IQCM: variants seen among roughly 807,000 people sequenced by gnomAD.
IQCM encodes IQ motif containing M, also known as IQ domain-containing protein M.
IQCM carries 45 observed loss-of-function variants against 57.6 expected under a neutral mutation model. That is an observed-to-expected ratio of 0.78 (90% confidence interval 0.62 to 1.00). IQCM has a LOEUF of 1.00. IQCM is among the 50% of genes least tolerant of loss of function. IQCM has a pLI of 0.00. For synonymous variants in IQCM, 148 were observed against 158.9 expected (o/e 0.93, Z 0.51); for missense variants, 468 against 511.6 (o/e 0.91, Z 0.82).
intron 3 of IQCM, among the ~76,000 whole-genome samples, chr4:149,742,176 C>T (rs375849913): frequency 7.9e-5 from 12 of 151,932 alleles, no homozygotes; most frequent in African/African-American, 2.9e-4. Flanking sequence ...GTTCTATCTT[C>T]GAAACTCTAT....
At chr4:149,692,201 G>C (rs1449572272) in intron 5 of IQCM, among the ~76,000 whole-genome samples, 2 of 152,180 alleles carry the variant, frequency 1.3e-5, no homozygotes, top group Non-Finnish European at 2.9e-5. Flanking sequence ...CCAAATGGTG[G>C]AGCTATAAGG....
intron 2 of IQCM, among the ~76,000 whole-genome samples, chr4:149,779,872 A>G (rs1561266780): frequency 6.6e-6 from 1 of 152,144 alleles, no homozygotes; most frequent in Non-Finnish European, 1.5e-5. Context: ...TCCTTATACT[A>G]CGCTGTTTGT....
At chr4:149,408,566 TAAC>T (rs1351691298) in intron 13 of IQCM, among the ~76,000 whole-genome samples, 4 of 152,300 alleles carry the variant, frequency 2.6e-5, no homozygotes, top group African/African-American at 9.6e-5. Flanking sequence ...TCTGGTACTA[TAAC>T]AACAGGAGGT....
intron 9 of IQCM, among the ~76,000 whole-genome samples, chr4:149,564,356 T>C (rs1384502945): frequency 1.3e-5 from 2 of 152,202 alleles, no homozygotes; most frequent in Non-Finnish European, 2.9e-5. Context: ...GGTGGTAGGA[T>C]CATGGCCTAT....
intron 9 of IQCM, among the ~76,000 whole-genome samples, chr4:149,585,507 C>T (rs188679041): frequency 9.9e-5 from 15 of 151,686 alleles, no homozygotes; most frequent in Admixed American, 5.3e-4. Context: ...TAAAATCTCA[C>T]ATATATACAT....
intron 7 of IQCM, among the ~76,000 whole-genome samples, chr4:149,638,008 C>T (rs1304873422): frequency 2.0e-5 from 3 of 152,272 alleles, no homozygotes; most frequent in East Asian, 1.9e-4. Context: ...AGTAGGCAAG[C>T]TACAGACTGT....
intron 12 of IQCM, among the ~76,000 whole-genome samples, chr4:149,481,701 G>GTTGTTGTTT: frequency 1.9e-5 from 1 of 51,580 alleles, no homozygotes; most frequent in Middle Eastern, 0.016. Context: ...TTCCAGTTTT[G>GTTGTTGTTT]TTTTTTTTTT....
intron 12 of IQCM, among the ~76,000 whole-genome samples, chr4:149,446,599 T>G (rs56198519): frequency 0.025 from 3,748 of 151,732 alleles, 65 homozygotes; most frequent in Non-Finnish European, 0.039. Flanking sequence ...TGGAAGCAGT[T>G]GAGGGAAATA....
chr4:149,504,867 C>A (rs1579291361), intron 12 of IQCM, among the ~76,000 whole-genome samples: 1 of 151,966 alleles, frequency 6.6e-6, no homozygotes, highest in Admixed American at 6.6e-5. Context: ...GAGCTGAGAT[C>A]GTGTCAAAGC....
At chr4:149,359,280 A>G (rs1729306184) in intron 13 of IQCM, among the ~76,000 whole-genome samples, 1 of 152,216 alleles carries the variant, frequency 6.6e-6, no homozygotes, top group Non-Finnish European at 1.5e-5. Flanking sequence ...GTATTTTTCA[A>G]TGCAAAAGCA....
At chr4:149,622,466 C>T (rs1756432319) in intron 7 of IQCM, among the ~76,000 whole-genome samples, 1 of 152,082 alleles carries the variant, frequency 6.6e-6, no homozygotes, top group African/African-American at 2.4e-5. Context: ...CCTCAGCCTC[C>T]TGAGTAGCTG....
intron 12 of IQCM, among the ~76,000 whole-genome samples, chr4:149,512,717 T>C (rs1480709101): frequency 6.6e-6 from 1 of 152,152 alleles, no homozygotes; most frequent in Non-Finnish European, 1.5e-5. Flanking sequence ...TAATTCCCAT[T>C]GAGGCCCTTG....
chr4:149,747,682 T>C (rs1561228831), intron 2 of IQCM, among the ~76,000 whole-genome samples: 1 of 152,150 alleles, frequency 6.6e-6, no homozygotes, highest in Non-Finnish European at 1.5e-5. Flanking sequence ...GAGAGGGCCA[T>C]AAAATGAGTT....
At chr4:149,381,843 T>C (rs1468831641) in intron 13 of IQCM, among the ~76,000 whole-genome samples, 3 of 152,194 alleles carry the variant, frequency 2.0e-5, no homozygotes, top group African/African-American at 4.8e-5. Context: ...AGCACAGTCT[T>C]GGTTCACTGC....
chr4:149,524,697 G>C (rs1745987643), intron 12 of IQCM, among the ~76,000 whole-genome samples: 1 of 151,758 alleles, frequency 6.6e-6, no homozygotes, highest in South Asian at 2.1e-4. Context: ...GAAAATAAAA[G>C]AGTGTAAATT....
rs1221022591 is a variant in IQCM at position 149,573,435 on chromosome 4, G to T, written c.750-9545C>A. ...TGATGCAAATTCCTGATTAGATGCT[G>T]GGTTGTAAAAAAAACATTAGGTTGT... On this transcript the variant is annotated intron_variant, in intron 9 of 13. Transcript: ENST00000636793. Among the ~76,000 whole-genome samples, 3 of 151,482 alleles carry T rather than the reference G, an allele frequency of 2.0e-5. No homozygotes were observed. In the East Asian group the frequency reaches 5.8e-4, roughly 29 times the overall value.
At chr4:149,594,202 A>T (rs975806994) in intron 8 of IQCM, among the ~76,000 whole-genome samples, 22 of 152,160 alleles carry the variant, frequency 1.4e-4, no homozygotes, top group African/African-American at 5.1e-4. Context: ...GTATGTGTCG[A>T]GGAATTTATC....
chr4:149,534,271 T>C (rs1258312617), intron 12 of IQCM, among the ~76,000 whole-genome samples: 4 of 152,170 alleles, frequency 2.6e-5, no homozygotes, highest in Non-Finnish European at 5.9e-5. Flanking sequence ...CTATAAATTG[T>C]AGGTGTACAT....
chr4:149,601,075 CACT>C (rs1754236619), intron 8 of IQCM, among the ~76,000 whole-genome samples: 1 of 152,246 alleles, frequency 6.6e-6, no homozygotes, highest in East Asian at 1.9e-4. Context: ...TACACATTGT[CACT>C]ACTTATAAAA....
Sources: gnomAD v4.1 joint callset for allele counts (sites outside exome capture counted in the v4.1 genomes callset) on GRCh38, gnomAD v4.1.1 for gene constraint, MANE v1.5 for transcripts, NCBI Gene and HGNC (gene_info 2026-07-23, HGNC 2026-07-21) for gene names.